SLC4A4: variants seen among roughly 807,000 people sequenced by gnomAD.
The protein encoded by SLC4A4 is solute carrier family 4 member 4.
Under a neutral mutation model 111.5 loss-of-function variants are expected in SLC4A4, and 27 were observed. The observed-to-expected ratio is 0.24, with a 90% CI of 0.18 to 0.33. SLC4A4 has a LOEUF of 0.33. Ranked by LOEUF, SLC4A4 falls within the 10% of genes least tolerant of loss-of-function variation. The pLI is 1.00. For missense variants in SLC4A4, 909 were observed against 1,315.5 expected (o/e 0.69, Z 4.78); for synonymous variants, 443 against 463.4 (o/e 0.96, Z 0.57).
chr4:71,443,149 T>TATAA (rs1200331400), intron 8 of SLC4A4, among the ~76,000 whole-genome samples: 1 of 132,194 alleles, frequency 7.6e-6, no homozygotes, highest in African/African-American at 2.9e-5. Flanking sequence ...TATATATATA[T>TATAA]ATAAATTTTT....
chr4:71,491,055 G>T (rs190773599), intron 15 of SLC4A4, among the ~76,000 whole-genome samples: 1 of 151,766 alleles, frequency 6.6e-6, no homozygotes, highest in African/African-American at 2.4e-5. Context: ...TATCTAGCTT[G>T]CTTTGGTTGT....
chr4:71,292,832 G>GTT (rs1560384000), intron 3 of SLC4A4, among the ~76,000 whole-genome samples: 2 of 138,344 alleles, frequency 1.4e-5, no homozygotes, highest in Admixed American at 7.7e-5. Context: ...TCTTACTTTT[G>GTT]GTTTTTTTTG....
rs1335066675 is a variant in SLC4A4, at chr4:71,389,574, G to A, written c.731-8003G>A. ...TCAACGACAGGCTTTGGGCCAGTTT[G>A]GCAGAGTCTTTCAGTTCTGTTAGTT... On this transcript the variant is annotated intron_variant, in intron 6 of 25. Transcript: ENST00000264485. 1.1e-4 allele frequency among the ~76,000 whole-genome samples: 17 copies of A among 152,236 alleles called. No homozygotes were observed. In the East Asian group the frequency reaches 3.3e-3, roughly 29 times the overall value.
At chr4:71,452,927 C>T (rs1346374779) in intron 11 of SLC4A4, among the ~76,000 whole-genome samples, 1 of 152,128 alleles carries the variant, frequency 6.6e-6, no homozygotes, top group African/African-American at 2.4e-5. Flanking sequence ...CTATGTGTTG[C>T]ATTTATTCAT....
At chr4:71,332,891 G>A (rs1728132425) in intron 3 of SLC4A4, among the ~76,000 whole-genome samples, 1 of 152,184 alleles carries the variant, frequency 6.6e-6, no homozygotes, top group Admixed American at 6.5e-5. Context: ...CTTTGTTAAA[G>A]TTATCTGATA....
intron 5 of SLC4A4, 135 bp from the exon 6 acceptor site, chr4:71,356,873 A>G: frequency 1.3e-6 from 1 of 780,614 alleles, no homozygotes. Flanking sequence ...TCTTTTACAT[A>G]AAATGGGAAA....
At chr4:71,200,743 A>G (rs1271608174) in intron 1 of SLC4A4, among the ~76,000 whole-genome samples, 2 of 152,050 alleles carry the variant, frequency 1.3e-5, no homozygotes, top group African/African-American at 4.8e-5. Flanking sequence ...CCACCATGGC[A>G]GGTGTATACC....
chr4:71,290,740 G>T (rs1404633478), intron 3 of SLC4A4, among the ~76,000 whole-genome samples: 1 of 152,154 alleles, frequency 6.6e-6, no homozygotes, highest in African/African-American at 2.4e-5. Context: ...CCCATCAGGT[G>T]ATTTTTATAT....
chr4:71,165,731 A>G (rs1038971631), intron 2 of SLC4A4, among the ~76,000 whole-genome samples: 1 of 146,574 alleles, frequency 6.8e-6, no homozygotes, highest in African/African-American at 2.7e-5. Flanking sequence ...TTTAACTAAT[A>G]AAAAAAACAT....
chr4:71,281,868 A>T lies in SLC4A4; in HGVS notation c.253+26469A>T, dbSNP rs150070445. Among the ~76,000 whole-genome samples the T allele has an allele frequency of 2.4e-4, 36 of 152,092 alleles. No individual in the cohort carries two copies. The East Asian group carries it at 7.0e-3, about 29-fold the overall frequency. The stretch of plus-strand genomic sequence containing the variant: ...AATGTGAACTGTGGATTTGTCTTGA[A>T]CAATACGTAGCACTGGTGACTGAGG... On this transcript the variant is annotated intron_variant, in intron 3 of 25. Transcript: ENST00000264485.
intron 2 of SLC4A4, among the ~76,000 whole-genome samples, chr4:71,253,609 C>T (rs146317451): frequency 1.5e-3 from 234 of 152,278 alleles, no homozygotes; most frequent in African/African-American, 5.2e-3. Flanking sequence ...TCAGGACTCC[C>T]TCAGTAACTG....
Position 71,434,496 on chromosome 4 carries a change from A to C in SLC4A4, c.808-6120A>C, listed in dbSNP as rs574929801. The C allele has an allele frequency of 1.7e-5, 3 of 176,474 alleles. No homozygotes were observed. The East Asian group carries it at 4.3e-4, about 26-fold the overall frequency. 10.9% of individuals were successfully genotyped at this position (176,474 alleles called of 1,614,324 possible). ...TTCAGAAGTCACCTTTATCTTTATA[A>C]GATCTGTAGTACTATTCTGTCCTAG... On this transcript the variant is annotated intron_variant, in intron 7 of 25. Coordinates refer to ENST00000264485, the MANE Select transcript of SLC4A4 (RefSeq NM_001098484.3).
At position 71,420,380 on chromosome 4, in the gene SLC4A4, G is replaced by A. The variant is rs569509805; in HGVS notation, c.808-20236G>A. On this transcript the variant is annotated intron_variant, in intron 7 of 25. Transcript: ENST00000264485. ...TCTGATTGGTGTACCTGAAAGTGATGGGGAGAATGGAACCAAGTTGGAAAA... is the reference window on the plus strand; with the variant it reads ...TCTGATTGGTGTACCTGAAAGTGATAGGGAGAATGGAACCAAGTTGGAAAA... Among the ~76,000 whole-genome samples, 6 of 152,240 alleles carry A rather than the reference G, an allele frequency of 3.9e-5. No individual in the cohort carries two copies. In the South Asian group the frequency reaches 1.2e-3, roughly 32 times the overall value.
intron 2 of SLC4A4, among the ~76,000 whole-genome samples, chr4:71,167,687 T>C (rs1316069423): frequency 1.3e-5 from 2 of 152,248 alleles, no homozygotes; most frequent in Non-Finnish European, 2.9e-5. Context: ...ATGTTCAAAA[T>C]AGTTTTTTCT....
chr4:71,434,335 T>C (rs1723914420), intron 7 of SLC4A4: 1 of 153,942 alleles, frequency 6.5e-6, no homozygotes, highest in African/African-American at 2.4e-5. Context: ...ATACAACAAT[T>C]TTTAAAATAA....
chr4:71,193,353 G>T (rs909256530), intron 1 of SLC4A4, among the ~76,000 whole-genome samples: 8 of 152,148 alleles, frequency 5.3e-5, no homozygotes, highest in Admixed American at 6.5e-5. Flanking sequence ...TAGAGACAGG[G>T]TTTCACCGTG....
At chr4:71,299,274 T>G (rs1258242260) in intron 3 of SLC4A4, among the ~76,000 whole-genome samples, 1 of 152,178 alleles carries the variant, frequency 6.6e-6, no homozygotes, top group African/African-American at 2.4e-5. Flanking sequence ...AGTAGCACTT[T>G]TGTGTGTGTG....
intron 12 of SLC4A4, among the ~76,000 whole-genome samples, chr4:71,455,742 T>G (rs990963997): frequency 6.6e-6 from 1 of 152,158 alleles, no homozygotes; most frequent in African/African-American, 2.4e-5. Flanking sequence ...TGTATTAGTT[T>G]ATTGCCTTTT....
At chr4:71,487,225 A>T (rs1247933816) in intron 15 of SLC4A4, among the ~76,000 whole-genome samples, 2 of 151,602 alleles carry the variant, frequency 1.3e-5, no homozygotes, top group African/African-American at 2.4e-5. Context: ...GCCTTAAAAA[A>T]AGCTGAAGCC....
Sources: allele counts gnomAD v4.1 joint callset (sites outside exome capture counted in the v4.1 genomes callset), GRCh38; gene constraint gnomAD v4.1.1; transcripts MANE v1.5; gene names NCBI Gene and HGNC (gene_info 2026-07-23, HGNC 2026-07-21).